The following PCDHA8 variants were observed in gnomAD, a reference collection of about 807,000 sequenced individuals.
PCDHA8 encodes protocadherin alpha 8, also known as protocadherin alpha-8.
In PCDHA8, 53 loss-of-function variants were observed where a neutral mutation model predicts 61.8. That is an observed-to-expected ratio of 0.86 (90% CI 0.69 to 1.08). The LOEUF is 1.08. PCDHA8 is among the 50% of genes least tolerant of loss of function. The probability of loss-of-function intolerance (pLI) is 0.00; values close to 1 mark genes in which losing one functional copy is unlikely to be tolerated. For synonymous variants in PCDHA8, 618 were observed against 556.6 expected (o/e 1.11, Z -1.55); for missense variants, 1,293 against 1,245.0 (o/e 1.04, Z -0.58).
intron 1 of PCDHA8, among the ~76,000 whole-genome samples, chr5:140,897,304 G>C (rs1297881439): frequency 1.7e-4 from 25 of 150,768 alleles, no homozygotes; most frequent in African/African-American, 6.1e-4. Flanking sequence ...TTTAGCATTA[G>C]GTATATCTCC....
intron 1 of PCDHA8, chr5:140,863,799 G>T: frequency 4.7e-6 from 1 of 212,460 alleles, no homozygotes; most frequent in Non-Finnish European, 9.6e-6. Context: ...AGGAGTTTGA[G>T]ACCAGCCTGG....
rs1165034372 is a variant in PCDHA8, at chr5:140,842,944, C to A, written c.1623C>A (p.Gly541=). Residue 541 remains glycine, a synonymous_variant, in exon 1 of 4, where the codon GGC becomes GGA. Coordinates refer to ENST00000531613, the MANE Select transcript of PCDHA8 (RefSeq NM_018911.3). ...LQFQVSARDA[G]VPPLGSNVTL... is the part of the protein sequence containing the mutation. ...TCCAGGTGAGCGCGCGCGACGCGGG[C>A]GTGCCGCCTCTGGGCAGCAACGTGA... 6.3e-7 allele frequency: 1 copy of A among 1,594,432 alleles called. No individual in the cohort carries two copies. The highest frequency in any genetic ancestry group is 1.3e-5 in the African/African-American group (1 of 74,370).
In PCDHA8 at chr5:140,841,257, C is replaced by T; in HGVS notation, c.-65C>T. The T allele has an allele frequency of 1.3e-6, 2 of 1,515,268 alleles. No individual in the cohort carries two copies. The highest frequency in any genetic ancestry group is 1.8e-6 in the Non-Finnish European group (2 of 1,129,808). 93.9% of individuals were successfully genotyped at this position (1,515,268 alleles called of 1,614,324 possible). ...TGCAGCGGAATTGGATTAAAAGACT[C>T]TGAAAGTACAGTCGTTCATCTTTAT... On this transcript the variant is annotated 5_prime_UTR_variant, in exon 1 of 4. Coordinates refer to ENST00000531613, the MANE Select transcript of PCDHA8 (RefSeq NM_018911.3).
In PCDHA8 at chr5:140,851,659, C is replaced by T; in HGVS notation, c.2394+7944C>T. The T allele has an allele frequency of 2.2e-6, 2 of 912,906 alleles. 1 individual carries two copies. Among genetic ancestry groups the T allele is most frequent in the Non-Finnish European group, 2.7e-6 (2 of 750,030 alleles). 56.6% of individuals were successfully genotyped at this position (912,906 alleles called of 1,614,324 possible). On this transcript the variant is annotated intron_variant, in intron 1 of 3. Coordinates refer to ENST00000531613, the MANE Select transcript of PCDHA8 (RefSeq NM_018911.3). The stretch of plus-strand genomic sequence containing the variant: ...TTCCTTTCTTCAAGAAGACATTCTC[C>T]TTTTAATTGAAATTTTCTCCATTCA...
chr5:140,856,904 C>A, intron 1 of PCDHA8: 2 of 1,596,242 alleles, frequency 1.3e-6, no homozygotes, highest in Non-Finnish European at 1.7e-6. Context: ...TTTGGTCCCA[C>A]CCACGATAAG....
intron 1 of PCDHA8, among the ~76,000 whole-genome samples, chr5:140,846,838 C>T (rs1554141511): frequency 6.7e-6 from 1 of 149,596 alleles, no homozygotes; most frequent in African/African-American, 2.5e-5. Context: ...ATATGAGTCA[C>T]ACAATGCAAG....
At chr5:140,978,782 A>C (rs782295456) in intron 1 of PCDHA8, 167 bp from the exon 2 acceptor site, 1 of 971,546 alleles carries the variant, frequency 1.0e-6, no homozygotes, top group African/African-American at 1.8e-5. Flanking sequence ...TTTTCTTCTA[A>C]AGTGCTATAT....
chr5:140,845,510 C>A (rs1779902484), intron 1 of PCDHA8, among the ~76,000 whole-genome samples: 3 of 149,534 alleles, frequency 2.0e-5, no homozygotes, highest in African/African-American at 7.3e-5. Context: ...AAACCTATTT[C>A]TTGTACATTA....
At chr5:140,903,545 C>T (rs1562939927) in intron 1 of PCDHA8, among the ~76,000 whole-genome samples, 3 of 152,130 alleles carry the variant, frequency 2.0e-5, no homozygotes, top group Non-Finnish European at 4.4e-5. Context: ...GAGCAAGAAA[C>T]TTTTCTAATA....
rs115218749 is a variant in PCDHA8, at chr5:140,850,537, G to A, written c.2394+6822G>A. On this transcript the variant is annotated intron_variant, in intron 1 of 3. Transcript: ENST00000531613. ...GGCCAGGCGCCAAAGTCATCGTCGC[G>A]GGCGTCAGTGGGTGCCACGGGCCCC... 5,564 of 1,598,212 alleles carry A rather than the reference G, an allele frequency of 3.5e-3. 468 individuals are homozygous for A. The African/African-American group carries it at 0.059, about 17-fold the overall frequency.
Position 140,883,664 on chromosome 5 carries a change from G to A in PCDHA8, c.2394+39949G>A, listed in dbSNP as rs200846533. The A allele has an allele frequency of 6.7e-5, 108 of 1,613,836 alleles. No individual in the cohort carries two copies. Among genetic ancestry groups the A allele is most frequent in the Non-Finnish European group, 8.9e-5 (105 of 1,179,872 alleles). On this transcript the variant is annotated intron_variant, in intron 1 of 3. Transcript: ENST00000531613. ...GCCCGAGTACACGGTGTTCGTGAAG[G>A]AAAACAATCCGCCGGGCTGCCACAT... is the stretch of plus-strand genomic sequence containing the variant.
chr5:140,848,750 T>C, intron 1 of PCDHA8: 1 of 1,593,288 alleles, frequency 6.3e-7, no homozygotes. Context: ...GCATTTTGTT[T>C]GTGAATTCTC....
intron 1 of PCDHA8, chr5:140,847,744 C>T (rs1554141887): frequency 6.7e-6 from 1 of 149,678 alleles, no homozygotes; most frequent in Non-Finnish European, 1.5e-5. Flanking sequence ...ATTTTCTCCC[C>T]ACGCAACACA....
intron 3 of PCDHA8, 24 bp from the exon 4 acceptor site, chr5:141,009,603 G>A (rs1554262223): frequency 1.2e-6 from 2 of 1,608,568 alleles, no homozygotes; most frequent in African/African-American, 2.7e-5. Context: ...CCCTGTTAAT[G>A]ATTTGTAATG....
intron 3 of PCDHA8, among the ~76,000 whole-genome samples, chr5:141,000,411 A>T (rs2097918603): frequency 1.1e-5 from 1 of 94,870 alleles, no homozygotes; most frequent in African/African-American, 4.4e-5. Flanking sequence ...ATATATATAT[A>T]TATATATATA....
intron 1 of PCDHA8, among the ~76,000 whole-genome samples, chr5:140,896,499 A>G (rs1029698205): frequency 6.6e-6 from 1 of 150,502 alleles, no homozygotes; most frequent in African/African-American, 2.4e-5. Flanking sequence ...AGTAGCTGGG[A>G]CTGTGCAGGC....
Position 140,843,293 on chromosome 5 carries a change from G to C in PCDHA8, c.1972G>C (p.Ala658Pro). ...LVLVKDHGEP[A>P]LTATATVLVS... ...CCTGGTGAAGGATCATGGTGAACCT[G>C]CGCTGACCGCCACGGCCACGGTTCT... Residue 658 changes from alanine (A) to proline (P), a missense_variant, in exon 1 of 4, where the codon GCG becomes CCG. By Grantham distance (27) the Ala-to-Pro change is conservative. Transcript: ENST00000531613. 17 of 1,595,972 alleles carry C rather than the reference G, an allele frequency of 1.1e-5. 4 individuals are homozygous for C. The highest frequency in any genetic ancestry group is 1.5e-5 in the Non-Finnish European group (17 of 1,165,570).
At chr5:140,900,667 G>A (rs557447526) in intron 1 of PCDHA8, among the ~76,000 whole-genome samples, 12 of 152,222 alleles carry the variant, frequency 7.9e-5, no homozygotes, top group Non-Finnish European at 1.6e-4. Flanking sequence ...CAATGGGAGT[G>A]CAGTTATCTC....
At chr5:140,898,972 C>G (rs1180112967) in intron 1 of PCDHA8, among the ~76,000 whole-genome samples, 2 of 151,980 alleles carry the variant, frequency 1.3e-5, no homozygotes, top group African/African-American at 4.8e-5. Flanking sequence ...GGAGTTCACT[C>G]ATGATTTGGC....
Sources: gnomAD v4.1 joint callset for allele counts (sites outside exome capture counted in the v4.1 genomes callset) on GRCh38, gnomAD v4.1.1 for gene constraint, MANE v1.5 for transcripts, NCBI Gene and HGNC (gene_info 2026-07-23, HGNC 2026-07-21) for gene names.